The following TPTE2 variants were observed in gnomAD, a reference collection of about 807,000 sequenced individuals.
TPTE2 encodes transmembrane phosphoinositide 3-phosphatase and tensin homolog 2, also known as phosphatidylinositol 3,4,5-trisphosphate 3-phosphatase TPTE2.
A neutral mutation model predicts 78.6 loss-of-function variants in TPTE2; 53 were observed. That is an observed-to-expected ratio of 0.67 (90% CI 0.54 to 0.85). The LOEUF (loss-of-function observed/expected upper bound fraction) is 0.85, where lower values mean the gene tolerates loss of function less well. TPTE2 is among the 40% of genes least tolerant of loss of function. The pLI, the probability that TPTE2 is intolerant of heterozygous loss-of-function variation, is 0.00. For synonymous variants in TPTE2, 175 were observed against 206.2 expected (o/e 0.85, Z 1.30); for missense variants, 461 against 623.0 (o/e 0.74, Z 2.77).
At chr13:19,450,444 A>G (rs1878106734) in intron 11 of TPTE2, 100 bp from the exon 15 acceptor site, 2 of 1,125,414 alleles carry the variant, frequency 1.8e-6, no homozygotes, top group Non-Finnish European at 1.2e-6. Context: ...TTCCTTATCT[A>G]TCTTCAAAAA....
At chr13:19,472,423 T>C (rs1458859302) in intron 6 of TPTE2, among the ~76,000 whole-genome samples, 1 of 152,236 alleles carries the variant, frequency 6.6e-6, no homozygotes, top group Non-Finnish European at 1.5e-5. Context: ...TTTCTTCTGG[T>C]TTATCAATTC....
At chr13:19,526,223 A>G (rs1870487037) in intron 1 of TPTE2, among the ~76,000 whole-genome samples, 1 of 152,230 alleles carries the variant, frequency 6.6e-6, no homozygotes, top group Non-Finnish European at 1.5e-5. Flanking sequence ...TACCATGAAG[A>G]CACATGCACA....
the TPTE2 span, chr13:19,560,643 G>A: frequency 6.4e-7 from 1 of 1,563,890 alleles, no homozygotes; most frequent in South Asian, 1.1e-5. Context: ...GGCCAGCAGG[G>A]TCGGGCAAGG....
chr13:19,561,269 C>A, the TPTE2 span: 1 of 1,203,654 alleles, frequency 8.3e-7, no homozygotes, highest in Non-Finnish European at 1.2e-6. Flanking sequence ...GCGCTGGTCA[C>A]CTGACACGCG....
intron 4 of TPTE2, among the ~76,000 whole-genome samples, chr13:19,477,773 C>T (rs1286905066): frequency 6.6e-6 from 1 of 152,108 alleles, no homozygotes; most frequent in Non-Finnish European, 1.5e-5. Context: ...ACAATTGAGA[C>T]TTTTTTGGTT....
intron 1 of TPTE2, among the ~76,000 whole-genome samples, chr13:19,515,556 C>A (rs865863418): frequency 6.6e-6 from 1 of 152,098 alleles, no homozygotes; most frequent in Non-Finnish European, 1.5e-5. Flanking sequence ...TGAGGGGAAC[C>A]TTTCAAGTTC....
At chr13:19,491,391 A>G (rs1347356424) in intron 3 of TPTE2, among the ~76,000 whole-genome samples, 1 of 152,220 alleles carries the variant, frequency 6.6e-6, no homozygotes, top group Non-Finnish European at 1.5e-5. Context: ...AAATACATAC[A>G]TATATAATAA....
intron 3 of TPTE2, among the ~76,000 whole-genome samples, chr13:19,489,852 A>G (rs1230833083): frequency 2.0e-5 from 3 of 151,986 alleles, no homozygotes; most frequent in Admixed American, 1.3e-4. Flanking sequence ...GGTGAGTTAT[A>G]TCAAAGATAT....
At chr13:19,511,192 AATGGTAGGAAGCAATAT>A (rs1405450053) in intron 1 of TPTE2, among the ~76,000 whole-genome samples, 1 of 152,222 alleles carries the variant, frequency 6.6e-6, no homozygotes, top group African/African-American at 2.4e-5. Context: ...TGCGAAGGCA[AATGGTAGGAAGCAATAT>A]ATGTGTTCCT....
rs768595923 is a variant in TPTE2, at chr13:19,425,772, C to T, written c.1395+653G>A. On this transcript the variant is annotated intron_variant, in intron 18 of 19. Transcript: ENST00000400230. The stretch of plus-strand genomic sequence containing the variant: ...CTCGCTATTGCTCCCACCCATCAGT[C>T]GAGCACAGGTCTCCTGGATGGCTCC... The T allele has an allele frequency of 9.7e-5, 50 of 515,358 alleles. 1 individual carries two copies. The highest frequency in any genetic ancestry group is 1.8e-4 in the Admixed American group (9 of 51,066). The allele number at this position is 515,358 out of a possible 1,614,324, so 31.9% of individuals were successfully genotyped here. A position where few individuals can be genotyped will look rare whatever the true frequency, so the allele number is the denominator to read the frequency against.
At chr13:19,561,217 C>A in the TPTE2 span, 1 of 1,435,058 alleles carries the variant, frequency 7.0e-7, no homozygotes, top group Non-Finnish European at 9.6e-7. Context: ...GCCGGCTCTG[C>A]CATGATGTAG....
At chr13:19,436,785 A>G (rs1220693107) in intron 14 of TPTE2, among the ~76,000 whole-genome samples, 1 of 152,160 alleles carries the variant, frequency 6.6e-6, no homozygotes, top group Admixed American at 6.6e-5. Flanking sequence ...GGATTCATAC[A>G]TTCATAAAAT....
the TPTE2 span, among the ~76,000 whole-genome samples, chr13:19,543,607 C>T: frequency 4.6e-5 from 7 of 152,146 alleles, no homozygotes; most frequent in Non-Finnish European, 8.8e-5. Flanking sequence ...CCACCCCCCT[C>T]AGCCTCCCAA....
intron 1 of TPTE2, among the ~76,000 whole-genome samples, chr13:19,533,065 A>G (rs1870983554): frequency 6.6e-6 from 1 of 152,242 alleles, no homozygotes; most frequent in Non-Finnish European, 1.5e-5. Context: ...TGAGTGTTAT[A>G]TGTGAAAACA....
the TPTE2 span, among the ~76,000 whole-genome samples, chr13:19,548,089 T>A: frequency 1.3e-5 from 2 of 152,128 alleles, no homozygotes; most frequent in African/African-American, 4.8e-5. Context: ...GTTAATTGTG[T>A]CTAATTCTGC....
chr13:19,561,329 C>T, the TPTE2 span: 1 of 664,624 alleles, frequency 1.5e-6, no homozygotes, highest in East Asian at 3.0e-5. Flanking sequence ...GCGGGGGCCG[C>T]TCCACCTCCT....
At chr13:19,509,371 C>T (rs2137690151) in intron 1 of TPTE2, among the ~76,000 whole-genome samples, 1 of 152,132 alleles carries the variant, frequency 6.6e-6, no homozygotes, top group South Asian at 2.1e-4. Context: ...CTACAATAGA[C>T]CTGTGGCAAT....
At chr13:19,513,115 C>G (rs1869561942) in intron 1 of TPTE2, among the ~76,000 whole-genome samples, 1 of 152,168 alleles carries the variant, frequency 6.6e-6, no homozygotes, top group African/African-American at 2.4e-5. Flanking sequence ...TAAGAAATAA[C>G]TTTCTGAGTA....
intron 1 of TPTE2, among the ~76,000 whole-genome samples, chr13:19,511,517 G>A (rs9508277): frequency 0.62 from 93,877 of 152,044 alleles, 33,283 homozygotes; most frequent in East Asian, 0.89. Context: ...AGGCCTACAA[G>A]TAGCAATGAG....
Sources: allele counts gnomAD v4.1 joint callset (sites outside exome capture counted in the v4.1 genomes callset), GRCh38; gene constraint gnomAD v4.1.1; transcripts MANE v1.5; gene names NCBI Gene and HGNC (gene_info 2026-07-23, HGNC 2026-07-21).